The following SH3BP1 variants were observed in gnomAD, a reference collection of about 807,000 sequenced individuals.
SH3BP1 encodes the protein SH3 domain-binding protein 1.
Under a neutral mutation model 69.8 loss-of-function variants are expected in SH3BP1, and 46 were observed. The observed-to-expected ratio is 0.66, with a 90% CI of 0.52 to 0.84. SH3BP1 has a LOEUF of 0.84. SH3BP1 is among the 40% of genes least tolerant of loss of function. The pLI, the probability that SH3BP1 is intolerant of heterozygous loss-of-function variation, is 0.00. For missense variants in SH3BP1, 868 were observed against 930.9 expected (o/e 0.93, Z 0.88); for synonymous variants, 403 against 378.0 (o/e 1.07, Z -0.77).
At position 37,641,150 on chromosome 22, in the gene SH3BP1, G is replaced by C; in HGVS notation, c.84G>C (p.Leu28=). The part of the protein sequence containing the change: ...LGRTPETAEF[L]GEDLLQVEQR... Reference sequence around the variant, plus strand: ...GCACCCCGGAGACCGCTGAGTTCCTGGGTGAGGACCTGCTGCAGGTACGTG... The same window carrying C: ...GCACCCCGGAGACCGCTGAGTTCCTCGGTGAGGACCTGCTGCAGGTACGTG... The change falls in exon 2 of 18, where the codon CTG becomes CTC. Residue 28 remains leucine, a synonymous_variant. Transcript: ENST00000649765. The C allele has an allele frequency of 7.1e-6, 11 of 1,547,260 alleles. No individual in the cohort carries two copies. The highest frequency in any genetic ancestry group is 8.7e-6 in the Non-Finnish European group (10 of 1,146,018).
At chr22:37,643,401 C>A in intron 6 of SH3BP1, 1 of 662,750 alleles carries the variant, frequency 1.5e-6, no homozygotes. Flanking sequence ...GCCTGGGATC[C>A]TGTAAACAGT....
In SH3BP1 at chr22:37,655,847, C is replaced by A. The variant is rs1435864275; in HGVS notation, c.*163C>A. ...CCCCCATGGCCAGGAGGGCTCAGGA[C>A]AATCCTCTATTTCCTGACCTTTTCC... On this transcript the variant is annotated 3_prime_UTR_variant, in exon 18 of 18. Transcript: ENST00000649765. The A allele has an allele frequency of 1.3e-6, 2 of 1,511,662 alleles. No individual in the cohort carries two copies. Among genetic ancestry groups the A allele is most frequent in the Admixed American group, 2.1e-5 (1 of 47,786 alleles). The allele number at this position is 1,511,662 out of a possible 1,614,324, so 93.6% of individuals were successfully genotyped here.
chr22:37,640,312 G>T (rs1193201063), intron 1 of SH3BP1: 1 of 154,556 alleles, frequency 6.5e-6, no homozygotes, highest in African/African-American at 2.4e-5. Context: ...GCCTGCCCCT[G>T]GCCTGCAGCG....
At chr22:37,648,457 G>T in intron 14 of SH3BP1, 22 bp downstream of exon 14, 1 of 1,452,498 alleles carries the variant, frequency 6.9e-7, no homozygotes. Flanking sequence ...CGGGCTGGGG[G>T]AGGTGGCAGG....
At chr22:37,652,661 T>TAA (rs1315479468) in intron 16 of SH3BP1, among the ~76,000 whole-genome samples, 1 of 150,382 alleles carries the variant, frequency 6.6e-6, no homozygotes, top group Non-Finnish European at 1.5e-5. Flanking sequence ...CCATCTCTAC[T>TAA]AAAAATGCAA....
Position 37,645,428 on chromosome 22 carries a change from A to G in SH3BP1, c.842A>G (p.His281Arg). 1 of 1,613,840 alleles carries G rather than the reference A, an allele frequency of 6.2e-7. No individual in the cohort carries two copies. Among genetic ancestry groups the G allele is most frequent in the Non-Finnish European group, 8.5e-7 (1 of 1,179,866 alleles). The change falls in exon 10 of 18, where the codon CAC (histidine) becomes CGC (arginine). Residue 281 changes from histidine to arginine, a missense_variant. By Grantham distance (29) the His-to-Arg change is conservative (BLOSUM62 0). This residue lies in a region of SH3BP1 where 387 missense variants were observed against 447.9 expected (regional missense o/e 0.86). Transcript: ENST00000649765. Reference sequence around the variant, plus strand: ...GTGTATGGGGTGTCGCTGGCAACCCACCTGCAAGAGCTGGGCCGGGAGATT... The same window carrying G: ...GTGTATGGGGTGTCGCTGGCAACCCGCCTGCAAGAGCTGGGCCGGGAGATT... ...PRVYGVSLAT[H>R]LQELGREIAL...
At chr22:37,651,600 G>A (rs570900356) in intron 16 of SH3BP1, among the ~76,000 whole-genome samples, 5 of 152,232 alleles carry the variant, frequency 3.3e-5, no homozygotes, top group African/African-American at 1.2e-4. Flanking sequence ...AAAGTGCTGG[G>A]ATTACAGGCA....
rs1491586247 is a variant in SH3BP1 at position 37,641,110 on chromosome 22, CCA to C, written c.60-14_60-13del. On this transcript the variant is annotated splice_polypyrimidine_tract_variant and intron_variant, in intron 1 of 17. Coordinates refer to ENST00000649765, the MANE Select transcript of SH3BP1 (RefSeq NM_018957.6). ...AGCAGAAGCACTCTCCCCCCCCCCC[CCA>C]CCACTCCCCGCAGCACCCCGGAGAC... is the stretch of plus-strand genomic sequence containing the variant. 89 of 1,422,100 alleles carry C rather than the reference CCA, an allele frequency of 6.3e-5. No homozygotes were observed. The African/African-American group carries it at 7.2e-4, about 11-fold the overall frequency. The allele number at this position is 1,422,100 out of a possible 1,614,324, so 88.1% of individuals were successfully genotyped here.
Position 37,655,680 on chromosome 22 carries a change from A to G in SH3BP1, c.2102A>G (p.Asn701Ser), listed in dbSNP as rs1601592784. Residue 701 changes from asparagine (N) to serine (S), a missense_variant, in exon 18 of 18, where the codon AAC (asparagine) becomes AGC (serine). By Grantham distance (46) the Asn-to-Ser change is conservative (BLOSUM62 1). Coordinates refer to ENST00000649765, the MANE Select transcript of SH3BP1 (RefSeq NM_018957.6). ...PRPRSLASET[N>S] ...CCCAGGAGCCTTGCCTCAGAGACCA[A>G]CTGAGTGGCTGGTTTCTCCCTAAGC... The G allele has an allele frequency of 6.7e-7, 1 of 1,497,300 alleles. No individual in the cohort carries two copies. Among genetic ancestry groups the G allele is most frequent in the Non-Finnish European group, 8.9e-7 (1 of 1,124,406 alleles). The allele number at this position is 1,497,300 out of a possible 1,614,324, so 92.8% of individuals were successfully genotyped here. A position where few individuals can be genotyped will look rare whatever the true frequency, so the allele number is the denominator to read the frequency against.
In SH3BP1 at chr22:37,642,880, G is replaced by A. The variant is rs1172399405; in HGVS notation, c.285-15G>A. On this transcript the variant is annotated splice_polypyrimidine_tract_variant and intron_variant, in intron 4 of 17. Coordinates refer to ENST00000649765, the MANE Select transcript of SH3BP1 (RefSeq NM_018957.6). ...GGCAGCGGGCGCCTGGACCCATGGG[G>A]TGCCGTGTCCACAGGAAGGCCTTGG... 1.9e-6 allele frequency: 3 copies of A among 1,608,836 alleles called. No individual in the cohort carries two copies. The highest frequency in any genetic ancestry group is 4.5e-5 in the East Asian group (2 of 44,860).
intron 2 of SH3BP1, 48 bp downstream of exon 2, chr22:37,641,216 T>A: frequency 6.5e-7 from 1 of 1,541,874 alleles, no homozygotes. Context: ...GTGCAGGCTG[T>A]CTCGGAGCAG....
At chr22:37,650,505 G>C (rs189769565) in intron 15 of SH3BP1, 37 bp from the exon 16 acceptor site, 2 of 1,580,704 alleles carry the variant, frequency 1.3e-6, no homozygotes, top group Non-Finnish European at 1.7e-6. Flanking sequence ...AGCCTGGCGC[G>C]GTCTCTGAGA....
At position 37,639,770 on chromosome 22, in the gene SH3BP1, C is replaced by A; in HGVS notation, c.-18C>A. On this transcript the variant is annotated 5_prime_UTR_variant, in exon 1 of 18. Coordinates refer to ENST00000649765, the MANE Select transcript of SH3BP1 (RefSeq NM_018957.6). ...GCGACCCCCGCCGTGACCCCGCAGC[C>A]CCCAGCTCGCCCCCAAGATGATGAA... The A allele has an allele frequency of 1.3e-6, 2 of 1,501,192 alleles. No homozygotes were observed. Among genetic ancestry groups the A allele is most frequent in the Non-Finnish European group, 1.8e-6 (2 of 1,124,262 alleles). 93.0% of individuals were successfully genotyped at this position (1,501,192 alleles called of 1,614,324 possible). A position where few individuals can be genotyped will look rare whatever the true frequency, so the allele number is the denominator to read the frequency against.
chr22:37,653,200 C>T (rs1932917700), intron 16 of SH3BP1, among the ~76,000 whole-genome samples: 1 of 151,674 alleles, frequency 6.6e-6, no homozygotes, highest in Non-Finnish European at 1.5e-5. Context: ...TTTGGGAGGC[C>T]GAGGTGGGCA....
intron 11 of SH3BP1, among the ~76,000 whole-genome samples, 153 bp from the exon 12 acceptor site, chr22:37,647,114 G>A (rs1932798347): frequency 6.6e-6 from 1 of 152,198 alleles, no homozygotes; most frequent in Non-Finnish European, 1.5e-5. Context: ...GGGACAAGAT[G>A]GCTAGCCTTC....
intron 14 of SH3BP1, chr22:37,649,808 TTAAAGTG>T (rs1418201072): frequency 3.0e-6 from 1 of 334,508 alleles, no homozygotes; most frequent in Non-Finnish European, 5.7e-6. Context: ...AATAATAAAA[TTAAAGTG>T]TAAAGTGCAG....
At chr22:37,641,099 C>G (rs774209690) in intron 1 of SH3BP1, 27 bp from the exon 2 acceptor site, 4 of 98,982 alleles carry the variant, frequency 4.0e-5, no homozygotes, top group Non-Finnish European at 5.5e-5. Flanking sequence ...GAAGCACTCT[C>G]CCCCCCCCCC....
intron 17 of SH3BP1, 68 bp from the exon 18 acceptor site, chr22:37,655,204 G>T: frequency 8.4e-7 from 1 of 1,190,820 alleles, no homozygotes. Flanking sequence ...GAGGGGGCAC[G>T]GAGCTTGGTG....
chr22:37,648,356 C>A lies in SH3BP1; in HGVS notation c.1237C>A (p.Gln413Lys). The A allele has an allele frequency of 6.3e-7, 1 of 1,576,734 alleles. No homozygotes were observed. Among genetic ancestry groups the A allele is most frequent in the Non-Finnish European group, 8.6e-7 (1 of 1,160,980 alleles). ...MKFLARLAEE[Q>K]EVNKMTPSNI... ...GTTCCTGGCACGGCTGGCCGAGGAG[C>A]AGGAGGTGAACAAGATGACACCCAG... The change falls in exon 14 of 18, where the codon CAG (glutamine) becomes AAG (lysine). Residue 413 changes from glutamine (Q) to lysine (K), a missense_variant. Coordinates refer to ENST00000649765, the MANE Select transcript of SH3BP1 (RefSeq NM_018957.6).
Sources: allele counts gnomAD v4.1 joint callset (sites outside exome capture counted in the v4.1 genomes callset), GRCh38; gene constraint gnomAD v4.1.1; regional missense constraint gnomAD v4.1.1; transcripts MANE v1.5; gene names NCBI Gene and HGNC (gene_info 2026-07-23, HGNC 2026-07-21).